GPC6: variants seen among roughly 807,000 people sequenced by gnomAD.
GPC6 encodes glypican-6.
A neutral mutation model predicts 55.2 loss-of-function variants in GPC6; 14 were observed. The observed-to-expected ratio is 0.25, with a 90% CI of 0.17 to 0.40. The LOEUF is 0.40. GPC6 is among the 10% of genes least tolerant of loss of function. The pLI is 1.00. For missense variants in GPC6, 641 were observed against 708.5 expected (o/e 0.90, Z 1.08); for synonymous variants, 278 against 259.6 (o/e 1.07, Z -0.68).
intron 1 of GPC6, among the ~76,000 whole-genome samples, chr13:93,328,679 A>T (rs369641010): frequency 4.6e-5 from 5 of 109,684 alleles, no homozygotes; most frequent in East Asian, 5.1e-4. Context: ...TGTCTCAATT[A>T]AAAAAAAAAA....
At chr13:94,397,885 G>A (rs1328809946) in intron 7 of GPC6, among the ~76,000 whole-genome samples, 2 of 152,170 alleles carry the variant, frequency 1.3e-5, no homozygotes, top group African/African-American at 4.8e-5. Context: ...TCATGAGAGG[G>A]AACTGGTGGG....
chr13:93,838,807 A>G (rs2150127), intron 3 of GPC6, among the ~76,000 whole-genome samples: 11,197 of 152,060 alleles, frequency 0.074, 635 homozygotes, highest in East Asian at 0.23. Context: ...CACGATGCAT[A>G]GTTTAGGGCC....
chr13:93,907,484 T>A (rs2140332451), intron 3 of GPC6, among the ~76,000 whole-genome samples: 1 of 152,300 alleles, frequency 6.6e-6, no homozygotes, highest in Admixed American at 6.5e-5. Context: ...CTTAATCACT[T>A]ATTTTTAAAG....
At chr13:93,838,843 T>A (rs1887840009) in intron 3 of GPC6, among the ~76,000 whole-genome samples, 1 of 152,154 alleles carries the variant, frequency 6.6e-6, no homozygotes, top group Non-Finnish European at 1.5e-5. Context: ...GGGATGGAAC[T>A]GTTTGGGAAC....
At chr13:93,440,196 A>G (rs996517937) in intron 1 of GPC6, among the ~76,000 whole-genome samples, 2 of 152,174 alleles carry the variant, frequency 1.3e-5, no homozygotes, top group Admixed American at 1.3e-4. Context: ...ACTTCTGATC[A>G]TCAGTCTTCT....
chr13:93,580,770 A>G (rs1356032468), intron 2 of GPC6, among the ~76,000 whole-genome samples: 1 of 152,190 alleles, frequency 6.6e-6, no homozygotes, highest in Non-Finnish European at 1.5e-5. Flanking sequence ...AATTAAATGT[A>G]AATCATATTT....
At chr13:93,895,230 GTGTGTATA>G (rs1403157464) in intron 3 of GPC6, among the ~76,000 whole-genome samples, 7 of 74,994 alleles carry the variant, frequency 9.3e-5, no homozygotes, top group African/African-American at 3.0e-4. Context: ...GTATGTGTGT[GTGTGTATA>G]TATATATATA....
At chr13:93,838,369 T>C (rs1011173432) in intron 3 of GPC6, among the ~76,000 whole-genome samples, 1 of 152,042 alleles carries the variant, frequency 6.6e-6, no homozygotes, top group African/African-American at 2.4e-5. Flanking sequence ...GATGTGGACT[T>C]AAAGAATGAA....
chr13:93,840,790 A>T (rs556363467), intron 3 of GPC6, among the ~76,000 whole-genome samples: 1 of 152,270 alleles, frequency 6.6e-6, no homozygotes, highest in African/African-American at 2.4e-5. Flanking sequence ...TGTTACTAAT[A>T]GGGAACATCC....
At chr13:94,014,824 A>G (rs1000304182) in intron 3 of GPC6, among the ~76,000 whole-genome samples, 1 of 152,216 alleles carries the variant, frequency 6.6e-6, no homozygotes, top group African/African-American at 2.4e-5. Flanking sequence ...GTCATTTAGC[A>G]TAATGTTTTC....
intron 6 of GPC6, among the ~76,000 whole-genome samples, chr13:94,371,881 C>A (rs188714600): frequency 9.8e-5 from 15 of 152,286 alleles, no homozygotes; most frequent in African/African-American, 3.6e-4. Flanking sequence ...AAAGCAAGGA[C>A]AGTCTCCTAT....
chr13:94,400,691 C>T (rs1403696375), intron 8 of GPC6, among the ~76,000 whole-genome samples: 2 of 152,174 alleles, frequency 1.3e-5, no homozygotes, highest in African/African-American at 2.4e-5. Flanking sequence ...TAAGTAGCAT[C>T]CAGCAGCTAA....
At chr13:94,179,723 G>T (rs1387454169) in intron 4 of GPC6, among the ~76,000 whole-genome samples, 1 of 152,156 alleles carries the variant, frequency 6.6e-6, no homozygotes, top group African/African-American at 2.4e-5. Context: ...AGCACAACAG[G>T]AGGAAAATTT....
At chr13:93,932,396 T>A (rs147340594) in intron 3 of GPC6, among the ~76,000 whole-genome samples, 11 of 152,304 alleles carry the variant, frequency 7.2e-5, no homozygotes, top group African/African-American at 2.6e-4. Context: ...TCTAGATTGA[T>A]GTGGAAATCA....
rs1340464707 is a variant in GPC6, at chr13:93,393,106, T to TTATATA, written c.161-152157_161-152156insTATATA. On this transcript the variant is annotated intron_variant, in intron 1 of 8. Coordinates refer to ENST00000377047, the MANE Select transcript of GPC6 (RefSeq NM_005708.5). ...ATATATAGAGAAAAATATGTATATT[T>TTATATA]GATATATATATATATATATATAGAG... is the stretch of plus-strand genomic sequence containing the variant. 9.5e-5 allele frequency among the ~76,000 whole-genome samples: 8 copies of TTATATA among 83,922 alleles called. No individual in the cohort carries two copies. The East Asian group carries it at 2.2e-3, about 24-fold the overall frequency. 55.1% of individuals were successfully genotyped at this position (83,922 alleles called of 152,430 possible). A position where few individuals can be genotyped will look rare whatever the true frequency, so the allele number is the denominator to read the frequency against.
chr13:93,358,277 G>A (rs1031199107), intron 1 of GPC6, among the ~76,000 whole-genome samples: 1 of 151,976 alleles, frequency 6.6e-6, no homozygotes, highest in Non-Finnish European at 1.5e-5. Flanking sequence ...CTGGGAGATC[G>A]AGCAGTGAGC....
chr13:94,021,675 T>A (rs1882700700), intron 3 of GPC6, among the ~76,000 whole-genome samples: 1 of 152,128 alleles, frequency 6.6e-6, no homozygotes, highest in African/African-American at 2.4e-5. Flanking sequence ...TTTGTTATTT[T>A]ATTTACTTTT....
Position 93,442,655 on chromosome 13 carries a change from T to C in GPC6, c.161-102608T>C, listed in dbSNP as rs533664179. ...GCACAGCGATGACTACGAATGTCTT[T>C]CATTTCTTATCCCCAAACATATTAT... On this transcript the variant is annotated intron_variant, in intron 1 of 8. Coordinates refer to ENST00000377047, the MANE Select transcript of GPC6 (RefSeq NM_005708.5). Among the ~76,000 whole-genome samples the C allele has an allele frequency of 5.2e-3, 786 of 152,306 alleles. 2 individuals carry two copies. Among genetic ancestry groups the C allele is most frequent in the Middle Eastern group, 0.014 (4 of 294 alleles).
intron 2 of GPC6, among the ~76,000 whole-genome samples, chr13:93,592,581 A>G (rs1423912674): frequency 3.3e-5 from 5 of 151,166 alleles, no homozygotes; most frequent in Admixed American, 6.6e-5. Context: ...TTGGTTGTTC[A>G]TAAGTTGAAA....
Sources: gnomAD v4.1 joint callset for allele counts (sites outside exome capture counted in the v4.1 genomes callset) on GRCh38, gnomAD v4.1.1 for gene constraint, MANE v1.5 for transcripts, NCBI Gene and HGNC (gene_info 2026-07-23, HGNC 2026-07-21) for gene names.